Variants in ZNF793 observed in about 807,000 individuals in gnomAD.
The protein encoded by ZNF793 is zinc finger protein 793.
ZNF793 carries 5 observed loss-of-function variants against 12.4 expected under a neutral mutation model. The ratio of observed to expected loss-of-function variants is 0.40; its 90% confidence interval spans 0.21 to 0.84. The LOEUF (loss-of-function observed/expected upper bound fraction) is 0.84, where lower values mean the gene tolerates loss of function less well. Ranked by LOEUF, ZNF793 falls within the 40% of genes least tolerant of loss-of-function variation. The pLI, the probability that ZNF793 is intolerant of heterozygous loss-of-function variation, is 0.35. For synonymous variants in ZNF793, 162 were observed against 172.4 expected, an observed-to-expected ratio of 0.94 and a Z score of 0.47; for missense variants, 456 against 495.0, an observed-to-expected ratio of 0.92 and a Z score of 0.75.
At position 37,533,300 on chromosome 19, in the gene ZNF793, C is replaced by T. The variant is rs746654417; in HGVS notation, c.143-8C>T. The T allele has an allele frequency of 9.3e-6, 15 of 1,613,546 alleles. No homozygotes were observed. The highest frequency in any genetic ancestry group is 4.0e-5 in the African/African-American group (3 of 74,896). The stretch of plus-strand genomic sequence containing the variant: ...AGCCCAAGACCTGCATCAATTTCCC[C>T]GGAACAGGTTATGAAGGCACCAAAC... On this transcript the variant is annotated splice_polypyrimidine_tract_variant and splice_region_variant and intron_variant, in intron 6 of 7. Transcript: ENST00000627814.
chr19:37,539,296 G>A lies in ZNF793; in HGVS notation c.*1417G>A, dbSNP rs2042536181. On this transcript the variant is annotated 3_prime_UTR_variant, in exon 8 of 8. Transcript: ENST00000627814. ...TAAAATATCTTGTAGCAAATTAGTA[G>A]CATTGCTACACTATTCTAGATACAC... The A allele has an allele frequency of 6.6e-6, 1 of 152,112 alleles. No individual in the cohort carries two copies. Among genetic ancestry groups the A allele is most frequent in the Non-Finnish European group, 1.5e-5 (1 of 68,024 alleles). The allele number at this position is 152,112 out of a possible 1,614,324, so 9.4% of individuals were successfully genotyped here.
intron 5 of ZNF793, among the ~76,000 whole-genome samples, chr19:37,531,940 A>G (rs2042464476): frequency 6.6e-6 from 1 of 152,174 alleles, no homozygotes; most frequent in Non-Finnish European, 1.5e-5. Flanking sequence ...AGCCAAGAAT[A>G]TAAAAGGCCT....
chr19:37,529,355 CCT>C (rs1229023646), intron 5 of ZNF793, among the ~76,000 whole-genome samples: 3 of 152,156 alleles, frequency 2.0e-5, no homozygotes, highest in African/African-American at 7.2e-5. Flanking sequence ...TAGGGTCTTT[CCT>C]CTCACGTCCC....
In ZNF793 at chr19:37,538,119, G is replaced by A. The variant is rs1262352003; in HGVS notation, c.*240G>A. 4.3e-5 allele frequency: 17 copies of A among 391,448 alleles called. 1 individual carries two copies. The South Asian group carries it at 4.5e-4, about 10-fold the overall frequency. The allele number at this position is 391,448 out of a possible 1,614,324, so 24.2% of individuals were successfully genotyped here. ...TTTAGTAGAGACGGGGTTTCACCGT[G>A]TTAGCCAGGATGGTCTCGATCTCCT... On this transcript the variant is annotated 3_prime_UTR_variant, in exon 8 of 8. Transcript: ENST00000627814.
chr19:37,516,409 C>T (rs901212300), intron 2 of ZNF793, among the ~76,000 whole-genome samples: 30 of 152,148 alleles, frequency 2.0e-4, no homozygotes, highest in Non-Finnish European at 3.4e-4. Context: ...GCTGGGATTA[C>T]AGGTGTGAGC....
chr19:37,537,900 G>A lies in ZNF793; in HGVS notation c.*21G>A. 2 of 1,492,368 alleles carry A rather than the reference G, an allele frequency of 1.3e-6. No individual in the cohort carries two copies. The highest frequency in any genetic ancestry group is 1.8e-6 in the Non-Finnish European group (2 of 1,121,944). The allele number at this position is 1,492,368 out of a possible 1,614,324, so 92.4% of individuals were successfully genotyped here. ...CTTGAGCAAAATATCTGGTTTCATG[G>A]TATGTAGGGAATTTTTTTTTTTTTT... is the stretch of plus-strand genomic sequence containing the variant. On this transcript the variant is annotated 3_prime_UTR_variant, in exon 8 of 8. Transcript: ENST00000627814.
intron 5 of ZNF793, among the ~76,000 whole-genome samples, chr19:37,526,150 G>C (rs955068780): frequency 6.6e-6 from 1 of 152,072 alleles, no homozygotes; most frequent in Non-Finnish European, 1.5e-5. Context: ...TAAAAGTTCA[G>C]TGATTCTTTT....
At chr19:37,536,128 C>G (rs2042502757) in intron 7 of ZNF793, 1 of 244,646 alleles carries the variant, frequency 4.1e-6, no homozygotes, top group Non-Finnish European at 7.7e-6. Context: ...TGTTTTCTGC[C>G]AAGTTAAGAA....
At chr19:37,526,614 C>T (rs1025552578) in intron 5 of ZNF793, among the ~76,000 whole-genome samples, 8 of 152,360 alleles carry the variant, frequency 5.3e-5, no homozygotes, top group East Asian at 3.9e-4. Context: ...ACCCCCTGTG[C>T]GCTGTGCCCT....
intron 3 of ZNF793, among the ~76,000 whole-genome samples, chr19:37,522,074 AAGTC>A (rs1342451555): frequency 4.6e-5 from 7 of 152,262 alleles, no homozygotes; most frequent in African/African-American, 1.7e-4. Flanking sequence ...ACTGATTACA[AAGTC>A]AGTGTTATAA....
chr19:37,526,869 T>C (rs1431581046), intron 5 of ZNF793, among the ~76,000 whole-genome samples: 2 of 152,224 alleles, frequency 1.3e-5, no homozygotes, highest in Non-Finnish European at 2.9e-5. Context: ...AGCACTGCAA[T>C]AGAGCTACCT....
chr19:37,519,283 T>C (rs574543859), intron 2 of ZNF793, among the ~76,000 whole-genome samples: 30 of 152,042 alleles, frequency 2.0e-4, no homozygotes, highest in African/African-American at 7.2e-4. Flanking sequence ...AAAAAAATTC[T>C]GATATAAATT....
At position 37,510,197 on chromosome 19, in the gene ZNF793, CA is replaced by C. The variant is rs2042282419; in HGVS notation, c.-276+1800del. On this transcript the variant is annotated intron_variant, in intron 2 of 7. Transcript: ENST00000627814. Reference sequence around the variant, plus strand: ...GCAACATAGCGAAACTCCATCATTACAAAAAATTTAAAAATAAGCTGGGTAG... The same window carrying C: ...GCAACATAGCGAAACTCCATCATTACAAAAATTTAAAAATAAGCTGGGTAG... Among the ~76,000 whole-genome samples, 3 of 151,788 alleles carry C rather than the reference CA, an allele frequency of 2.0e-5. No homozygotes were observed. The South Asian group carries it at 6.3e-4, about 32-fold the overall frequency.
At chr19:37,530,351 T>C (rs2042449177) in intron 5 of ZNF793, among the ~76,000 whole-genome samples, 1 of 152,164 alleles carries the variant, frequency 6.6e-6, no homozygotes, top group South Asian at 2.1e-4. Context: ...ACAGACCCTT[T>C]ATGGGTGTCG....
chr19:37,523,393 C>A lies in ZNF793; in HGVS notation c.-30-17C>A. The A allele has an allele frequency of 6.2e-7, 1 of 1,601,060 alleles. No homozygotes were observed. The highest frequency in any genetic ancestry group is 8.6e-7 in the Non-Finnish European group (1 of 1,168,338). On this transcript the variant is annotated splice_polypyrimidine_tract_variant and intron_variant, in intron 4 of 7. Transcript: ENST00000627814. Reference sequence around the variant, plus strand: ...TGTTCTCTCTTTCTCCATCTTCTTCCCCCCACATGTCTACAGGTGTCAGAT... The same window carrying A: ...TGTTCTCTCTTTCTCCATCTTCTTCACCCCACATGTCTACAGGTGTCAGAT...
chr19:37,537,218 C>G lies in ZNF793; in HGVS notation c.560C>G (p.Pro187Arg). ...NHGRRPNGEK[P>R]RGCSHCEKAF... Reference sequence around the variant, plus strand: ...GGTAGACGACCTAATGGAGAAAAGCCCCGGGGTTGCAGTCACTGTGAGAAA... The same window carrying G: ...GGTAGACGACCTAATGGAGAAAAGCGCCGGGGTTGCAGTCACTGTGAGAAA... Residue 187 changes from proline to arginine, a missense_variant, in exon 8 of 8, where the codon CCC (proline) becomes CGC (arginine). Pro to Arg is a moderately radical substitution (Grantham distance 103). Coordinates refer to ENST00000627814, the MANE Select transcript of ZNF793 (RefSeq NM_001013659.3). 1.2e-6 allele frequency: 2 copies of G among 1,613,808 alleles called. No homozygotes were observed. The highest frequency in any genetic ancestry group is 1.1e-5 in the South Asian group (1 of 91,060).
intron 7 of ZNF793, chr19:37,534,932 C>T (rs2042492845): frequency 6.6e-6 from 1 of 152,394 alleles, no homozygotes; most frequent in Non-Finnish European, 1.5e-5. Context: ...AGTCCACCTG[C>T]TTTGGCTTCC....
At chr19:37,532,782 G>A (rs1388777014) in intron 6 of ZNF793, among the ~76,000 whole-genome samples, 2 of 151,978 alleles carry the variant, frequency 1.3e-5, no homozygotes, top group Non-Finnish European at 1.5e-5. Flanking sequence ...TTGCACCATT[G>A]CACTCTAGCC....
rs1298802751 is a variant in ZNF793, at chr19:37,542,773, T to A, written c.*4894T>A. 1.2e-5 allele frequency: 2 copies of A among 164,934 alleles called. No homozygotes were observed. The highest frequency in any genetic ancestry group is 1.5e-4 in the South Asian group (1 of 6,534). The allele number at this position is 164,934 out of a possible 1,614,324, so 10.2% of individuals were successfully genotyped here. A position where few individuals can be genotyped will look rare whatever the true frequency, so the allele number is the denominator to read the frequency against. On this transcript the variant is annotated 3_prime_UTR_variant, in exon 8 of 8. Transcript: ENST00000627814. ...TATGTTAAATATGACTCCATTTTTT[T>A]AAATCATTAACAAAATGTCTCTAGG...
Sources: allele counts gnomAD v4.1 joint callset (sites outside exome capture counted in the v4.1 genomes callset), GRCh38; gene constraint gnomAD v4.1.1; transcripts MANE v1.5; gene names NCBI Gene and HGNC (gene_info 2026-07-23, HGNC 2026-07-21).